The following EEIG2 variants were observed in gnomAD, a reference collection of about 807,000 sequenced individuals.
EEIG2 encodes the protein EEIG family member 2.
At chr1:108,576,746 G>A in the EEIG2 span, among the ~76,000 whole-genome samples, 4 of 149,478 alleles carry the variant, frequency 2.7e-5, no homozygotes, top group African/African-American at 7.4e-5. Flanking sequence ...GAATAATGCC[G>A]CAATAAACAT....
At chr1:108,560,639 G>T in the EEIG2 span, 1 of 1,527,480 alleles carries the variant, frequency 6.5e-7, no homozygotes, top group Non-Finnish European at 8.8e-7. Flanking sequence ...ATCTCTCCTT[G>T]GCCCATTTGC....
At chr1:108,594,414 A>G in the EEIG2 span, among the ~76,000 whole-genome samples, 1 of 152,182 alleles carries the variant, frequency 6.6e-6, no homozygotes, top group Non-Finnish European at 1.5e-5. Context: ...CTGAAAAGTA[A>G]CTGGGAGGTG....
the EEIG2 span, among the ~76,000 whole-genome samples, chr1:108,602,307 T>C: frequency 6.6e-6 from 1 of 152,170 alleles, no homozygotes; most frequent in Non-Finnish European, 1.5e-5. Flanking sequence ...GTCTGAGTTA[T>C]GGATGACAGA....
chr1:108,601,948 T>C, the EEIG2 span, among the ~76,000 whole-genome samples: 1 of 152,126 alleles, frequency 6.6e-6, no homozygotes, highest in African/African-American at 2.4e-5. Context: ...CCCCAGGGAC[T>C]TTACTTTCTG....
the EEIG2 span, among the ~76,000 whole-genome samples, chr1:108,564,899 A>G: frequency 6.6e-6 from 1 of 152,134 alleles, no homozygotes; most frequent in African/African-American, 2.4e-5. Context: ...GTGAGCTGAG[A>G]TCACCACCAC....
the EEIG2 span, chr1:108,635,111 G>A: frequency 6.2e-7 from 1 of 1,614,078 alleles, no homozygotes; most frequent in Admixed American, 1.7e-5. Flanking sequence ...GTTTTAGGGT[G>A]GGGTCTGGAG....
the EEIG2 span, among the ~76,000 whole-genome samples, chr1:108,602,031 G>A: frequency 6.6e-6 from 1 of 152,170 alleles, no homozygotes; most frequent in East Asian, 1.9e-4. Context: ...GATTATTTGA[G>A]GTCATGATAA....
the EEIG2 span, among the ~76,000 whole-genome samples, chr1:108,608,770 C>G: frequency 6.6e-6 from 1 of 152,314 alleles, no homozygotes; most frequent in South Asian, 2.1e-4. Context: ...GATGCTATAG[C>G]AGATTACCAT....
chr1:108,601,578 CAT>C, the EEIG2 span, among the ~76,000 whole-genome samples: 1 of 151,840 alleles, frequency 6.6e-6, no homozygotes, highest in Admixed American at 6.6e-5. Flanking sequence ...CAAAATATAA[CAT>C]AAAGTCTTAA....
chr1:108,609,240 G>T, the EEIG2 span, among the ~76,000 whole-genome samples: 2 of 152,140 alleles, frequency 1.3e-5, no homozygotes, highest in African/African-American at 4.8e-5. Flanking sequence ...ACTGTTCTTG[G>T]TACTATTCTA....
chr1:108,615,146 CTA>C, the EEIG2 span, among the ~76,000 whole-genome samples: 1 of 152,188 alleles, frequency 6.6e-6, no homozygotes, highest in African/African-American at 2.4e-5. Flanking sequence ...TTCATTAAGA[CTA>C]TGAATTTTGC....
the EEIG2 span, among the ~76,000 whole-genome samples, chr1:108,607,059 C>T: frequency 6.6e-6 from 1 of 152,180 alleles, no homozygotes; most frequent in African/African-American, 2.4e-5. Context: ...AGAAAACCTT[C>T]CTCAACTAGA....
chr1:108,597,369 C>T, the EEIG2 span, among the ~76,000 whole-genome samples: 2 of 152,218 alleles, frequency 1.3e-5, no homozygotes, highest in Non-Finnish European at 2.9e-5. Context: ...TTCATTACCC[C>T]AGCCAGCATG....
chr1:108,622,871 G>A, the EEIG2 span, among the ~76,000 whole-genome samples: 1 of 152,152 alleles, frequency 6.6e-6, no homozygotes, highest in Non-Finnish European at 1.5e-5. Context: ...CCACCTCCCT[G>A]TTTTATCTCT....
chr1:108,570,421 A>C, the EEIG2 span, among the ~76,000 whole-genome samples: 1 of 152,144 alleles, frequency 6.6e-6, no homozygotes, highest in Non-Finnish European at 1.5e-5. Context: ...ATGCAAAGTT[A>C]GTGGTTTGGT....
the EEIG2 span, among the ~76,000 whole-genome samples, chr1:108,602,148 T>C: frequency 1.3e-5 from 2 of 152,124 alleles, no homozygotes; most frequent in Admixed American, 1.3e-4. Context: ...AAAGGTAACA[T>C]TTGAAGAAGG....
At chr1:108,611,804 G>A in the EEIG2 span, among the ~76,000 whole-genome samples, 1 of 152,078 alleles carries the variant, frequency 6.6e-6, no homozygotes, top group Admixed American at 6.6e-5. Flanking sequence ...ATCACTCTTG[G>A]TTTGCTAGTA....
the EEIG2 span, among the ~76,000 whole-genome samples, chr1:108,582,955 T>C: frequency 3.9e-3 from 592 of 150,146 alleles, 1 homozygote; most frequent in African/African-American, 0.014. Flanking sequence ...TTTTATTCTT[T>C]AGGTAATATG....
At chr1:108,618,813 G>A in the EEIG2 span, among the ~76,000 whole-genome samples, 2 of 148,722 alleles carry the variant, frequency 1.3e-5, no homozygotes, top group Admixed American at 1.3e-4. Flanking sequence ...CTCCAGCCTG[G>A]GTGACAGAGC....
Sources: gnomAD v4.1 joint callset for allele counts (sites outside exome capture counted in the v4.1 genomes callset) on GRCh38, gnomAD v4.1.1 for gene constraint, MANE v1.5 for transcripts, NCBI Gene and HGNC (gene_info 2026-07-23, HGNC 2026-07-21) for gene names.